C6orf89: variants seen among roughly 807,000 people sequenced by gnomAD.
C6orf89 encodes chromosome 6 open reading frame 89.
A neutral mutation model predicts 40.7 loss-of-function variants in C6orf89; 29 were observed. The ratio of observed to expected loss-of-function variants is 0.71; its 90% CI spans 0.53 to 0.97. The LOEUF (loss-of-function observed/expected upper bound fraction) is 0.97. Ranked by LOEUF, C6orf89 falls within the 50% of genes least tolerant of loss-of-function variation. The pLI is 0.00. For missense variants in C6orf89, 392 were observed against 429.1 expected, an observed-to-expected ratio of 0.91 and a Z score of 0.76; for synonymous variants, 165 against 152.2, an observed-to-expected ratio of 1.08 and a Z score of -0.62.
At chr6:36,920,326 A>G (rs928059152) in intron 8 of C6orf89, among the ~76,000 whole-genome samples, 3 of 152,178 alleles carry the variant, frequency 2.0e-5, no homozygotes, top group Admixed American at 6.5e-5. Flanking sequence ...AATCTGTTCC[A>G]AAGAAACAGG....
In C6orf89 at chr6:36,925,760, C is replaced by T. The variant is rs1371281502; in HGVS notation, c.*2319C>T. 1 of 152,262 alleles carries T rather than the reference C, an allele frequency of 6.6e-6. No homozygotes were observed. Among genetic ancestry groups the T allele is most frequent in the African/African-American group, 2.4e-5 (1 of 41,452 alleles). The allele number at this position is 152,262 out of a possible 1,614,324, so 9.4% of individuals were successfully genotyped here. A position where few individuals can be genotyped will look rare whatever the true frequency, so the allele number is the denominator to read the frequency against. ...CAGTCCCTTTCTGATGATCAAGGCC[C>T]TGCACAGCAGGATGCCACAGGATGC... On this transcript the variant is annotated 3_prime_UTR_variant, in exon 9 of 9. Coordinates refer to ENST00000480824, the MANE Select transcript of C6orf89 (RefSeq NM_001286635.2).
rs565591572 is a variant in C6orf89 at position 36,920,753 on chromosome 6, T to A, written c.949+1052T>A. Among the ~76,000 whole-genome samples the A allele has an allele frequency of 6.6e-5, 10 of 152,324 alleles. No homozygotes were observed. In the South Asian group the frequency reaches 2.1e-3, roughly 32 times the overall value. The stretch of plus-strand genomic sequence containing the variant: ...TCTTGTATGGAAATCGTTCTGAATC[T>A]TTTTCCTGTAATGGAGTGACTCTTA... On this transcript the variant is annotated intron_variant, in intron 8 of 8. Coordinates refer to ENST00000480824, the MANE Select transcript of C6orf89 (RefSeq NM_001286635.2).
intron 3 of C6orf89, among the ~76,000 whole-genome samples, chr6:36,900,367 A>G (rs576620061): frequency 3.6e-5 from 5 of 140,324 alleles, no homozygotes; most frequent in African/African-American, 1.3e-4. Flanking sequence ...ACACCTGGCT[A>G]ATTTTTGTAT....
At chr6:36,877,090 G>A (rs1407832556) in intron 1 of C6orf89, among the ~76,000 whole-genome samples, 2 of 152,096 alleles carry the variant, frequency 1.3e-5, no homozygotes, top group Admixed American at 6.5e-5. Flanking sequence ...TTAACAATAT[G>A]TTTGTGAGAT....
At position 36,899,598 on chromosome 6, in the gene C6orf89, C is replaced by G. The variant is rs752265379; in HGVS notation, c.154C>G (p.Pro52Ala). The G allele has an allele frequency of 1.9e-6, 3 of 1,613,984 alleles. No homozygotes were observed. Among genetic ancestry groups the G allele is most frequent in the South Asian group, 2.2e-5 (2 of 91,076 alleles). ...LLEKNEPQRP[P>A]PQYPLLIVVY... ...GGAAAAGAATGAACCTCAGAGACCC[C>G]CCCCGCAGTATCCTCTCCTTATAGT... The change falls in exon 3 of 9, where the codon CCC becomes GCC. Residue 52 changes from proline to alanine, a missense_variant. Physicochemically the swap from Pro to Ala is conservative, Grantham distance 27. Coordinates refer to ENST00000480824, the MANE Select transcript of C6orf89 (RefSeq NM_001286635.2).
Sources: gnomAD v4.1 joint callset for allele counts (sites outside exome capture counted in the v4.1 genomes callset) on GRCh38, gnomAD v4.1.1 for gene constraint, MANE v1.5 for transcripts, NCBI Gene and HGNC (gene_info 2026-07-23, HGNC 2026-07-21) for gene names.